The following CDC14A variants were observed in gnomAD, a reference collection of about 807,000 sequenced individuals.
The protein encoded by CDC14A is cell division cycle 14A.
CDC14A carries 53 observed loss-of-function variants against 74.4 expected under a neutral mutation model. That is an observed-to-expected ratio of 0.71 (90% CI 0.57 to 0.89). The LOEUF (loss-of-function observed/expected upper bound fraction) is 0.89, where lower values mean the gene tolerates loss of function less well. Ranked by LOEUF, CDC14A falls within the 40% of genes least tolerant of loss-of-function variation. The pLI is 0.00. For synonymous variants in CDC14A, 247 were observed against 258.4 expected (o/e 0.96, Z 0.43); for missense variants, 646 against 713.7 (o/e 0.91, Z 1.08).
chr1:100,478,543 G>A (rs555702700), intron 10 of CDC14A, among the ~76,000 whole-genome samples: 1 of 152,070 alleles, frequency 6.6e-6, no homozygotes, highest in African/African-American at 2.4e-5. Context: ...TTCAGCTCAC[G>A]GAGATCCTTT....
intron 3 of CDC14A, among the ~76,000 whole-genome samples, chr1:100,378,961 G>T (rs1301984824): frequency 6.6e-6 from 1 of 152,124 alleles, no homozygotes; most frequent in African/African-American, 2.4e-5. Flanking sequence ...ACTTTTAATG[G>T]CTGAGTAAAC....
chr1:100,389,122 C>A (rs1276251956), intron 3 of CDC14A, among the ~76,000 whole-genome samples: 1 of 126,120 alleles, frequency 7.9e-6, no homozygotes, highest in Admixed American at 7.3e-5. Context: ...CTGCAGTGAG[C>A]CAGATCATGC....
intron 4 of CDC14A, among the ~76,000 whole-genome samples, chr1:100,412,785 G>T (rs1215181973): frequency 1.9e-4 from 21 of 109,456 alleles, no homozygotes; most frequent in African/African-American, 5.4e-4. Flanking sequence ...TATATATATA[G>T]TATGTATGCA....
chr1:100,497,139 A>G (rs1647964606), intron 13 of CDC14A, among the ~76,000 whole-genome samples: 1 of 152,224 alleles, frequency 6.6e-6, no homozygotes, highest in Non-Finnish European at 1.5e-5. Context: ...TATATGATGA[A>G]ACATATATTG....
intron 15 of CDC14A, among the ~76,000 whole-genome samples, chr1:100,511,063 T>A (rs1303272839): frequency 1.3e-5 from 2 of 152,164 alleles, no homozygotes; most frequent in Non-Finnish European, 1.5e-5. Flanking sequence ...TCTACTGTTT[T>A]CCAATGATAA....
rs1200520073 is a variant in CDC14A at position 100,419,997 on chromosome 1, A to AAT, written c.310-4211_310-4210dup. On this transcript the variant is annotated intron_variant, in intron 4 of 15. Coordinates refer to ENST00000336454, the MANE Select transcript of CDC14A (RefSeq NM_003672.4). ...TGTAGGGGCACAGATTTCACTTTTA[A>AAT]ATATATATATATATACATATATATA... 4.0e-3 allele frequency among the ~76,000 whole-genome samples: 473 copies of AAT among 117,270 alleles called. 3 individuals are homozygous for AAT. Among genetic ancestry groups the AAT allele is most frequent in the South Asian group, 5.2e-3 (20 of 3,840 alleles). 76.9% of individuals were successfully genotyped at this position (117,270 alleles called of 152,430 possible). A position where few individuals can be genotyped will look rare whatever the true frequency, so the allele number is the denominator to read the frequency against.
At chr1:100,414,764 T>C (rs1053608075) in intron 4 of CDC14A, among the ~76,000 whole-genome samples, 3 of 152,088 alleles carry the variant, frequency 2.0e-5, no homozygotes, top group African/African-American at 7.2e-5. Context: ...TTCTACAGGG[T>C]TATATTTAGC....
chr1:100,355,807 A>T (rs1651796389), intron 2 of CDC14A, among the ~76,000 whole-genome samples: 1 of 152,222 alleles, frequency 6.6e-6, no homozygotes, highest in Admixed American at 6.5e-5. Context: ...ACCTTCAAAG[A>T]GCTCCAAGCC....
chr1:100,353,610 T>C (rs1258794709), intron 1 of CDC14A, 152 bp from the exon 2 acceptor site: 2 of 590,554 alleles, frequency 3.4e-6, no homozygotes, highest in Non-Finnish European at 6.0e-6. Flanking sequence ...TGCTCTTGAG[T>C]CTCTAGCTTT....
chr1:100,514,370 A>G (rs1650028213), intron 15 of CDC14A, among the ~76,000 whole-genome samples: 1 of 152,204 alleles, frequency 6.6e-6, no homozygotes, highest in South Asian at 2.1e-4. Context: ...AATTCTTTGA[A>G]TTCAGGCCTG....
At chr1:100,454,997 G>GA (rs763595017) in intron 7 of CDC14A, among the ~76,000 whole-genome samples, 5 of 152,144 alleles carry the variant, frequency 3.3e-5, no homozygotes, top group Non-Finnish European at 5.9e-5. Context: ...TTCATCAGGA[G>GA]CTTGATATTT....
intron 15 of CDC14A, among the ~76,000 whole-genome samples, chr1:100,503,905 A>G (rs1490492177): frequency 1.3e-5 from 2 of 152,224 alleles, no homozygotes; most frequent in Non-Finnish European, 2.9e-5. Context: ...CTGGATTACT[A>G]GTCATCTACA....
chr1:100,494,248 T>G (rs1480661631), intron 11 of CDC14A, among the ~76,000 whole-genome samples: 1 of 152,188 alleles, frequency 6.6e-6, no homozygotes, highest in Non-Finnish European at 1.5e-5. Context: ...AGCATGGTAC[T>G]TCTATTTTTC....
chr1:100,360,082 A>G (rs948430500), intron 2 of CDC14A, among the ~76,000 whole-genome samples: 13 of 148,492 alleles, frequency 8.8e-5, no homozygotes, highest in African/African-American at 3.2e-4. Context: ...AGCTGGGATT[A>G]CAGGCGCGCA....
chr1:100,489,745 C>A (rs1670428655), intron 11 of CDC14A, among the ~76,000 whole-genome samples: 1 of 152,146 alleles, frequency 6.6e-6, no homozygotes, highest in Admixed American at 6.5e-5. Context: ...TGAGAGCAGA[C>A]CCCTTTCCTG....
intron 10 of CDC14A, among the ~76,000 whole-genome samples, chr1:100,479,091 T>G (rs1017396735): frequency 1.3e-5 from 2 of 152,200 alleles, no homozygotes; most frequent in Non-Finnish European, 2.9e-5. Context: ...TTCGTAAGTT[T>G]CACAATTGGA....
At chr1:100,477,362 TATTTAATTCCAAA>T (rs1669002949) in intron 10 of CDC14A, among the ~76,000 whole-genome samples, 1 of 151,424 alleles carries the variant, frequency 6.6e-6, no homozygotes, top group Non-Finnish European at 1.5e-5. Flanking sequence ...TAATTTGGAG[TATTTAATTCCAAA>T]TACTCCAAAT....
chr1:100,459,101 G>GCACGCA (rs1553188726), intron 8 of CDC14A, among the ~76,000 whole-genome samples: 1 of 143,690 alleles, frequency 7.0e-6, no homozygotes, highest in Non-Finnish European at 1.5e-5. Context: ...ACACACACAC[G>GCACGCA]CACACACACA....
At chr1:100,396,333 G>T (rs956365519) in intron 4 of CDC14A, among the ~76,000 whole-genome samples, 2 of 152,158 alleles carry the variant, frequency 1.3e-5, no homozygotes, top group Non-Finnish European at 1.5e-5. Context: ...TTACCAACTG[G>T]TATAGAACTA....
Sources: gnomAD v4.1 joint callset for allele counts (sites outside exome capture counted in the v4.1 genomes callset) on GRCh38, gnomAD v4.1.1 for gene constraint, MANE v1.5 for transcripts, NCBI Gene and HGNC (gene_info 2026-07-23, HGNC 2026-07-21) for gene names.